The following ZNF140 variants were observed in gnomAD, a reference collection of about 807,000 sequenced individuals.
ZNF140 encodes zinc finger protein 140.
In ZNF140, 13 loss-of-function variants were observed where a neutral mutation model predicts 12.9. The ratio of observed to expected loss-of-function variants is 1.01; its 90% CI spans 0.66 to 1.60. The LOEUF (loss-of-function observed/expected upper bound fraction) is 1.60. ZNF140 is among the 40% of genes most tolerant of loss of function. ZNF140 has a pLI of 0.00. For missense variants in ZNF140, 531 were observed against 548.8 expected (o/e 0.97, Z 0.32); for synonymous variants, 214 against 186.7 (o/e 1.15, Z -1.19).
At chr12:133,091,630 C>T (rs1369789854) in intron 4 of ZNF140, among the ~76,000 whole-genome samples, 2 of 150,654 alleles carry the variant, frequency 1.3e-5, no homozygotes, top group Non-Finnish European at 3.0e-5. Context: ...CTGTTGTATA[C>T]ACCTGTAGAC....
chr12:133,102,120 C>T (rs1955370728), intron 4 of ZNF140, among the ~76,000 whole-genome samples: 1 of 152,138 alleles, frequency 6.6e-6, no homozygotes, highest in Non-Finnish European at 1.5e-5. Flanking sequence ...TGCTTCTGGA[C>T]TAAGAACTTA....
intron 4 of ZNF140, among the ~76,000 whole-genome samples, chr12:133,101,908 C>G (rs1955362722): frequency 1.3e-5 from 2 of 152,102 alleles, no homozygotes; most frequent in South Asian, 4.1e-4. Context: ...ATAATTCCAA[C>G]ATTCCTACCG....
At chr12:133,082,338 T>C (rs1334272867) in intron 2 of ZNF140, 1 of 152,258 alleles carries the variant, frequency 6.6e-6, no homozygotes, top group Non-Finnish European at 1.5e-5. Flanking sequence ...TTTATTAAAC[T>C]TCAAAACTGT....
upstream of ZNF140, chr12:133,080,524 A>C (rs1954429872): frequency 6.6e-6 from 1 of 152,180 alleles, no homozygotes; most frequent in Non-Finnish European, 1.5e-5. Context: ...TGGCCGCGAG[A>C]CACTCTGGCA....
chr12:133,084,813 G>A (rs1049987338), intron 4 of ZNF140, among the ~76,000 whole-genome samples: 81 of 152,272 alleles, frequency 5.3e-4, no homozygotes, highest in East Asian at 3.9e-4. Context: ...GAAATGCTGC[G>A]GAGTCCCTTA....
chr12:133,099,052 A>G (rs1164041625), intron 4 of ZNF140, among the ~76,000 whole-genome samples: 7 of 151,824 alleles, frequency 4.6e-5, no homozygotes, highest in African/African-American at 1.5e-4. Context: ...ATTTTTGTAT[A>G]TTTAGTAGAG....
Position 133,094,282 on chromosome 12 carries a change from C to T in ZNF140, c.232+10721C>T, listed in dbSNP as rs1021127868. ...CTATTAAGCATTCCCTGAGGCAACA[C>T]TTTCCACTGAAATCTGGTGGCTGGT... On this transcript the variant is annotated intron_variant, in intron 4 of 4. Transcript: ENST00000355557. 2.0e-4 allele frequency among the ~76,000 whole-genome samples: 30 copies of T among 151,458 alleles called. 3 individuals carry two copies. In the East Asian group the frequency reaches 4.3e-3, roughly 22 times the overall value.
rs1025 is a variant in ZNF140 at position 133,107,042 on chromosome 12, A to T, written c.*391A>T. On this transcript the variant is annotated 3_prime_UTR_variant, in exon 5 of 5. Transcript: ENST00000355557. ...TCCGCATCTGTCAACCAGGACAGAA[A>T]GCATGGACAAGGGATGAGCTTTACA... 0.59 allele frequency: 93,620 copies of T among 159,070 alleles called. 28,512 individuals carry two copies. The highest frequency in any genetic ancestry group is 0.7 in the African/African-American group (29,226 of 41,618). 9.9% of individuals were successfully genotyped at this position (159,070 alleles called of 1,614,324 possible). A position where few individuals can be genotyped will look rare whatever the true frequency, so the allele number is the denominator to read the frequency against.
intron 4 of ZNF140, among the ~76,000 whole-genome samples, chr12:133,085,169 C>T (rs1387207814): frequency 1.3e-5 from 2 of 152,094 alleles, no homozygotes; most frequent in African/African-American, 2.4e-5. Flanking sequence ...GGACTACAGG[C>T]ACCTGCCACC....
chr12:133,083,275 G>C, intron 3 of ZNF140, 46 bp downstream of exon 3: 1 of 1,584,278 alleles, frequency 6.3e-7, no homozygotes, highest in Non-Finnish European at 8.6e-7. Context: ...TTGACCGTTA[G>C]GGTGGCTGTT....
intron 4 of ZNF140, among the ~76,000 whole-genome samples, chr12:133,096,229 T>C (rs1010085370): frequency 1.5e-4 from 23 of 152,200 alleles, no homozygotes; most frequent in African/African-American, 3.8e-4. Flanking sequence ...TTTTACCAAG[T>C]ATACTGCTTG....
chr12:133,082,941 G>T, intron 2 of ZNF140, 162 bp from the exon 3 acceptor site: 1 of 995,502 alleles, frequency 1.0e-6, no homozygotes, highest in Non-Finnish European at 1.4e-6. Flanking sequence ...CAAAACACAA[G>T]AGCTAGGCTC....
chr12:133,093,532 T>A, intron 4 of ZNF140: 1 of 694,698 alleles, frequency 1.4e-6, no homozygotes. Context: ...GAAGCTGATT[T>A]ATTTTCTGGT....
chr12:133,104,803 T>C (rs946343251), intron 4 of ZNF140, among the ~76,000 whole-genome samples: 42 of 152,358 alleles, frequency 2.8e-4, no homozygotes, highest in African/African-American at 9.4e-4. Context: ...ACTTTATTTT[T>C]CTGTCCAACT....
rs1341077397 is a variant in ZNF140 at position 133,102,082 on chromosome 12, T to C, written c.233-3428T>C. On this transcript the variant is annotated intron_variant, in intron 4 of 4. Coordinates refer to ENST00000355557, the MANE Select transcript of ZNF140 (RefSeq NM_003440.4). ...AAGGTGTTGAGGGAAGAGAAGCATT[T>C]TGTAATCTTAAAATCATGGTAAGCC... Among the ~76,000 whole-genome samples, 5 of 152,312 alleles carry C rather than the reference T, an allele frequency of 3.3e-5. No individual in the cohort carries two copies. The South Asian group carries it at 1.0e-3, about 32-fold the overall frequency.
rs372253825 is a variant in ZNF140, at chr12:133,087,959, G to A, written c.232+4398G>A. ...CAGCTTGGCCAACATGGTGAAACCC[G>A]TCTCTACTAAAAATACAAAAATTAG... On this transcript the variant is annotated intron_variant, in intron 4 of 4. Coordinates refer to ENST00000355557, the MANE Select transcript of ZNF140 (RefSeq NM_003440.4). 4.1e-3 allele frequency among the ~76,000 whole-genome samples: 628 copies of A among 151,972 alleles called. 49 individuals are homozygous for A. The South Asian group carries it at 0.12, about 30-fold the overall frequency.
intron 4 of ZNF140, chr12:133,084,149 G>A (rs891193065): frequency 4.6e-6 from 2 of 436,414 alleles, no homozygotes; most frequent in Admixed American, 2.6e-5. Flanking sequence ...GTTCTGTCTG[G>A]TCTCTGAATT....
chr12:133,100,342 A>C (rs1200591190), intron 4 of ZNF140, among the ~76,000 whole-genome samples: 1 of 151,824 alleles, frequency 6.6e-6, no homozygotes, highest in Non-Finnish European at 1.5e-5. Context: ...TAATTTAAAA[A>C]AATTTTTTTA....
intron 4 of ZNF140, among the ~76,000 whole-genome samples, chr12:133,086,398 C>G (rs1425082638): frequency 6.6e-6 from 1 of 152,194 alleles, no homozygotes; most frequent in East Asian, 1.9e-4. Context: ...TTTAAACTTG[C>G]ATTTGTCAGG....
Sources: allele counts gnomAD v4.1 joint callset (sites outside exome capture counted in the v4.1 genomes callset), GRCh38; gene constraint gnomAD v4.1.1; transcripts MANE v1.5; gene names NCBI Gene and HGNC (gene_info 2026-07-23, HGNC 2026-07-21).